Variants in DIAPH3 observed in about 807,000 individuals in gnomAD.
The protein encoded by DIAPH3 is protein diaphanous homolog 3.
A neutral mutation model predicts 144.3 loss-of-function variants in DIAPH3; 117 were observed. That is an observed-to-expected ratio of 0.81 (90% CI 0.70 to 0.95). The LOEUF (loss-of-function observed/expected upper bound fraction) is 0.95, where lower values mean the gene tolerates loss of function less well. Among genes scored for constraint, DIAPH3 ranks in the 40% least tolerant of loss-of-function variants. The pLI is 0.00. For synonymous variants in DIAPH3, 519 were observed against 488.9 expected, an observed-to-expected ratio of 1.06 and a Z score of -0.81; for missense variants, 1,421 against 1,412.7, an observed-to-expected ratio of 1.01 and a Z score of -0.09.
intron 24 of DIAPH3, among the ~76,000 whole-genome samples, chr13:59,814,800 C>CT (rs2040676373): frequency 6.6e-6 from 1 of 152,176 alleles, no homozygotes; most frequent in Non-Finnish European, 1.5e-5. Context: ...TAAAGAAATT[C>CT]TTTGAGTGTT....
intron 3 of DIAPH3, among the ~76,000 whole-genome samples, chr13:60,095,710 A>C (rs1340673235): frequency 6.6e-6 from 1 of 152,040 alleles, no homozygotes; most frequent in Non-Finnish European, 1.5e-5. Context: ...CTCCTATTCC[A>C]GAAATAGATG....
intron 3 of DIAPH3, among the ~76,000 whole-genome samples, chr13:60,103,637 C>T (rs1421647794): frequency 1.3e-5 from 2 of 152,164 alleles, no homozygotes; most frequent in Non-Finnish European, 2.9e-5. Context: ...ATTAAGTCAA[C>T]AGCAATCATC....
chr13:59,921,133 T>TA (rs58061987), intron 18 of DIAPH3, among the ~76,000 whole-genome samples: 22,851 of 138,478 alleles, frequency 0.17, 1,908 homozygotes, highest in Middle Eastern at 0.24. Context: ...ATGTCTACAC[T>TA]AAAAAAAAAA....
chr13:60,136,272 T>C (rs1334779442), intron 1 of DIAPH3, among the ~76,000 whole-genome samples: 1 of 152,190 alleles, frequency 6.6e-6, no homozygotes. Flanking sequence ...CTCTGTTTTA[T>C]AGCCACCAGC....
chr13:60,022,696 A>T (rs1207074130), intron 5 of DIAPH3, among the ~76,000 whole-genome samples: 1 of 152,046 alleles, frequency 6.6e-6, no homozygotes, highest in Admixed American at 6.6e-5. Flanking sequence ...CTCCTTTATG[A>T]CCTCATCTTA....
At position 59,991,171 on chromosome 13, in the gene DIAPH3, C is replaced by G. The variant is rs1455210487; in HGVS notation, c.1348G>C (p.Asp450His). The G allele has an allele frequency of 6.3e-7, 1 of 1,595,860 alleles. No homozygotes were observed. The highest frequency in any genetic ancestry group is 1.1e-5 in the South Asian group (1 of 90,594). ...ACTTCCTCTTACCTTATAAAATAAT[C>G]ATTTCGAATCAGCAAAAGATGCTGA... ...ILQHLLLIRNDYFIRQQYFKL... is the reference protein window; with the variant it reads ...ILQHLLLIRNHYFIRQQYFKL... The change falls in exon 12 of 28, where the codon GAT becomes CAT. Residue 450 changes from aspartate (D) to histidine (H), a missense_variant. Asp to His is a moderately conservative substitution (Grantham distance 81). Coordinates refer to ENST00000400324, the MANE Select transcript of DIAPH3 (RefSeq NM_001042517.2).
intron 25 of DIAPH3, among the ~76,000 whole-genome samples, chr13:59,779,550 C>T (rs1347898984): frequency 2.0e-5 from 3 of 150,266 alleles, no homozygotes; most frequent in South Asian, 4.2e-4. Context: ...CTTGCTCTGT[C>T]GCCCAGACTG....
At chr13:59,912,615 A>T (rs1047948021) in intron 19 of DIAPH3, among the ~76,000 whole-genome samples, 5 of 152,214 alleles carry the variant, frequency 3.3e-5, no homozygotes, top group African/African-American at 1.2e-4. Context: ...TCTGTATCAA[A>T]ATACAATCAA....
At chr13:59,696,557 TCAAA>T (rs1266671098) in intron 27 of DIAPH3, among the ~76,000 whole-genome samples, 4 of 152,220 alleles carry the variant, frequency 2.6e-5, no homozygotes, top group African/African-American at 9.6e-5. Context: ...CACTGTTATT[TCAAA>T]CAAATCCATA....
rs1271430497 is a variant in DIAPH3, at chr13:60,163,704, G to A, written c.63C>T (p.Tyr21=). The change falls in exon 1 of 28, where the codon TAC becomes TAT. Residue 21 remains tyrosine (Y), a synonymous_variant. Coordinates refer to ENST00000400324, the MANE Select transcript of DIAPH3 (RefSeq NM_001042517.2). The part of the protein sequence containing the change: ...PAQGSAAGTP[Y]PSSASLRGCR... ...AGCCGCGGAGAGAGGCTGAGGAAGGGTAGGGAGTCCCAGCGGCTGAGCCTT... is the reference window on the plus strand; with the variant it reads ...AGCCGCGGAGAGAGGCTGAGGAAGGATAGGGAGTCCCAGCGGCTGAGCCTT... 2 of 1,609,134 alleles carry A rather than the reference G, an allele frequency of 1.2e-6. No homozygotes were observed. The highest frequency in any genetic ancestry group is 1.1e-5 in the South Asian group (1 of 90,760).
chr13:59,995,072 A>G (rs2052106240), intron 9 of DIAPH3, among the ~76,000 whole-genome samples: 1 of 151,886 alleles, frequency 6.6e-6, no homozygotes, highest in Non-Finnish European at 1.5e-5. Flanking sequence ...TTATTTAACT[A>G]GATAGAAAGT....
At position 59,666,826 on chromosome 13, in the gene DIAPH3, T is replaced by C. The variant is rs780627528; in HGVS notation, c.3340A>G (p.Thr1114Ala). Residue 1114 changes from threonine to alanine, a missense_variant, in exon 28 of 28, where the codon ACA becomes GCA. Coordinates refer to ENST00000400324, the MANE Select transcript of DIAPH3 (RefSeq NM_001042517.2). ...TTGTAGTGTGAACGTGACCCTTCTG[T>C]CAACTGCACTTTCTGATTTTCTACA... ...CNHENQKVQL[T>A]EGSRSHYNIN... The C allele has an allele frequency of 3.7e-6, 6 of 1,614,002 alleles. No homozygotes were observed. The Admixed American group carries it at 1.0e-4, about 27-fold the overall frequency.
intron 4 of DIAPH3, among the ~76,000 whole-genome samples, chr13:60,061,466 G>T (rs1302150753): frequency 6.6e-6 from 1 of 151,710 alleles, no homozygotes; most frequent in African/African-American, 2.4e-5. Flanking sequence ...AGGCTTAGAA[G>T]GTTACAGAGA....
At chr13:60,137,742 C>CAT (rs769159275) in intron 1 of DIAPH3, among the ~76,000 whole-genome samples, 2 of 125,734 alleles carry the variant, frequency 1.6e-5, no homozygotes, top group South Asian at 5.2e-4. Context: ...TTAAAATTGA[C>CAT]TTTTTTTTTT....
chr13:59,851,720 C>T (rs563794120), intron 22 of DIAPH3, among the ~76,000 whole-genome samples: 22 of 150,664 alleles, frequency 1.5e-4, no homozygotes, highest in Non-Finnish European at 2.5e-4. Context: ...CCTCCCGGGT[C>T]CAAGTGATTC....
intron 20 of DIAPH3, among the ~76,000 whole-genome samples, chr13:59,905,813 C>T (rs2046706655): frequency 6.6e-6 from 1 of 152,136 alleles, no homozygotes; most frequent in South Asian, 2.1e-4. Flanking sequence ...ATGCTAGCAG[C>T]TTCTCAAAGC....
chr13:60,145,941 T>A (rs1951490828), intron 1 of DIAPH3, among the ~76,000 whole-genome samples: 1 of 152,206 alleles, frequency 6.6e-6, no homozygotes, highest in Non-Finnish European at 1.5e-5. Flanking sequence ...TCAGGAATTA[T>A]AATACAACAG....
chr13:59,890,114 T>C (rs1273133904), intron 20 of DIAPH3, among the ~76,000 whole-genome samples: 1 of 152,110 alleles, frequency 6.6e-6, no homozygotes, highest in Admixed American at 6.6e-5. Flanking sequence ...AGCTGCTATC[T>C]GGCTAGTCTT....
intron 9 of DIAPH3, among the ~76,000 whole-genome samples, chr13:60,003,716 G>A (rs2052673741): frequency 1.3e-5 from 2 of 151,862 alleles, no homozygotes; most frequent in African/African-American, 4.8e-5. Context: ...TGGGACTATA[G>A]GCACCCACCA....
Sources: gnomAD v4.1 joint callset for allele counts (sites outside exome capture counted in the v4.1 genomes callset) on GRCh38, gnomAD v4.1.1 for gene constraint, MANE v1.5 for transcripts, NCBI Gene and HGNC (gene_info 2026-07-23, HGNC 2026-07-21) for gene names.